MYO3B: variants seen among roughly 807,000 people sequenced by gnomAD.
The protein encoded by MYO3B is myosin-IIIb.
In MYO3B, 156 loss-of-function variants were observed where a neutral mutation model predicts 174.6. That is an observed-to-expected ratio of 0.89 (90% CI 0.78 to 1.02). The LOEUF (loss-of-function observed/expected upper bound fraction) is 1.02. Ranked by LOEUF, MYO3B falls within the 50% of genes least tolerant of loss-of-function variation. MYO3B has a pLI of 0.00. For synonymous variants in MYO3B, 563 were observed against 569.1 expected (o/e 0.99, Z 0.15); for missense variants, 1,632 against 1,639.4 (o/e 1.00, Z 0.08).
At chr2:170,594,762 TC>T (rs1351082412) in intron 32 of MYO3B, among the ~76,000 whole-genome samples, 1 of 152,004 alleles carries the variant, frequency 6.6e-6, no homozygotes, top group African/African-American at 2.4e-5. Context: ...TTGCAGCCTT[TC>T]CTACCTTGCT....
At chr2:170,539,076 C>G (rs1031246113) in intron 30 of MYO3B, among the ~76,000 whole-genome samples, 10 of 152,146 alleles carry the variant, frequency 6.6e-5, no homozygotes, top group Non-Finnish European at 1.2e-4. Context: ...ACATGTTTAT[C>G]CAGGCCAGGA....
At chr2:170,262,670 C>A (rs780823969) in intron 7 of MYO3B, among the ~76,000 whole-genome samples, 11 of 152,132 alleles carry the variant, frequency 7.2e-5, no homozygotes, top group Admixed American at 2.6e-4. Context: ...GGTAGATATG[C>A]GTCCATGGAC....
chr2:170,634,927 C>T (rs1441135604), intron 32 of MYO3B, among the ~76,000 whole-genome samples: 1 of 152,086 alleles, frequency 6.6e-6, no homozygotes, highest in African/African-American at 2.4e-5. Context: ...TACCATCTCA[C>T]ACCAGTTAGA....
intron 7 of MYO3B, among the ~76,000 whole-genome samples, chr2:170,253,895 CG>C (rs1207351881): frequency 2.6e-5 from 2 of 75,784 alleles, no homozygotes; most frequent in Non-Finnish European, 5.3e-5. Flanking sequence ...GGACGGGGGG[CG>C]GGGGCGGGCA....
At chr2:170,283,952 T>C (rs2093534025) in intron 7 of MYO3B, among the ~76,000 whole-genome samples, 1 of 152,250 alleles carries the variant, frequency 6.6e-6, no homozygotes, top group South Asian at 2.1e-4. Flanking sequence ...TACATTGGCT[T>C]CTCAGTTTTC....
intron 22 of MYO3B, among the ~76,000 whole-genome samples, chr2:170,432,486 T>C (rs2094717266): frequency 6.6e-6 from 1 of 152,062 alleles, no homozygotes; most frequent in African/African-American, 2.4e-5. Flanking sequence ...CTAAGTGTTA[T>C]TTCAAAAGAG....
rs1027173124 is a variant in MYO3B at position 170,335,569 on chromosome 2, G to A, written c.815+119G>A. On this transcript the variant is annotated intron_variant, in intron 8 of 34. Transcript: ENST00000408978. ...GTTGTTATGCCTGTTAGCACGTTAT[G>A]ACTCGGGGTTTGTTCTAGTAAATGA... 7.1e-5 allele frequency: 54 copies of A among 756,110 alleles called. No individual in the cohort carries two copies. The African/African-American group carries it at 8.3e-4, about 12-fold the overall frequency. The allele number at this position is 756,110 out of a possible 1,614,324, so 46.8% of individuals were successfully genotyped here.
chr2:170,598,687 T>C (rs1346645201), intron 32 of MYO3B, among the ~76,000 whole-genome samples: 1 of 152,144 alleles, frequency 6.6e-6, no homozygotes, highest in Admixed American at 6.5e-5. Flanking sequence ...GTTGTAAGGA[T>C]GTGGGCTCTG....
At chr2:170,372,118 C>CAAAAAAAAAAAAAAA (rs769243145) in intron 9 of MYO3B, among the ~76,000 whole-genome samples, 11 of 22,202 alleles carry the variant, frequency 5.0e-4, no homozygotes, top group African/African-American at 1.4e-3. Context: ...GACCCTGTCT[C>CAAAAAAAAAAAAAAA]AAAAAAAAAA....
intron 32 of MYO3B, among the ~76,000 whole-genome samples, chr2:170,567,533 A>G (rs2106268396): frequency 6.6e-6 from 1 of 152,362 alleles, no homozygotes; most frequent in East Asian, 1.9e-4. Context: ...TTAACAGGAC[A>G]CAAAACTCCA....
Position 170,528,453 on chromosome 2 carries a change from C to T in MYO3B, c.3575+8913C>T, listed in dbSNP as rs138737480. ...ATGGAGTTTCGCTCTATCGCCAGAC[C>T]GGAGTGCAGTGGCGCAATCTCAGCT... is the stretch of plus-strand genomic sequence containing the variant. On this transcript the variant is annotated intron_variant, in intron 30 of 34. Coordinates refer to ENST00000408978, the MANE Select transcript of MYO3B (RefSeq NM_138995.5). Among the ~76,000 whole-genome samples, 814 of 152,258 alleles carry T rather than the reference C, an allele frequency of 5.3e-3. 3 individuals are homozygous for T. The highest frequency in any genetic ancestry group is 0.018 in the African/African-American group (761 of 41,526).
chr2:170,403,206 G>A (rs2094489535), intron 19 of MYO3B, among the ~76,000 whole-genome samples: 1 of 152,164 alleles, frequency 6.6e-6, no homozygotes, highest in South Asian at 2.1e-4. Flanking sequence ...TGGAGCTGGT[G>A]ACAAGTCACT....
intron 32 of MYO3B, among the ~76,000 whole-genome samples, chr2:170,585,688 C>G (rs1693458332): frequency 6.6e-6 from 1 of 152,050 alleles, no homozygotes; most frequent in African/African-American, 2.4e-5. Flanking sequence ...GCCTTACCAG[C>G]AACAGGCTCT....
chr2:170,404,186 T>G, intron 19 of MYO3B, 61 bp from the exon 20 acceptor site: 1 of 1,505,738 alleles, frequency 6.6e-7, no homozygotes, highest in African/African-American at 1.4e-5. Flanking sequence ...CATGTCAAAG[T>G]ATCCTGGTGG....
intron 30 of MYO3B, chr2:170,519,769 T>C: frequency 2.5e-6 from 1 of 404,640 alleles, no homozygotes; most frequent in Non-Finnish European, 4.6e-6. Context: ...GGTCAGGAGT[T>C]TGAGACTAGC....
chr2:170,453,043 C>G (rs1683689168), intron 23 of MYO3B, among the ~76,000 whole-genome samples: 1 of 152,172 alleles, frequency 6.6e-6, no homozygotes. Flanking sequence ...TTAGGACTAG[C>G]TATGACATGA....
rs1281948554 is a variant in MYO3B at position 170,217,353 on chromosome 2, G to A, written c.561G>A (p.Arg187=). 34 of 1,614,006 alleles carry A rather than the reference G, an allele frequency of 2.1e-5. No individual in the cohort carries two copies. The highest frequency in any genetic ancestry group is 2.6e-5 in the Non-Finnish European group (31 of 1,179,974). The change falls in exon 6 of 35, where the codon CGG becomes CGA. Residue 187 remains arginine (R), a synonymous_variant. Transcript: ENST00000408978. The part of the protein sequence containing the change: ...VSAQLTSTRL[R]RNTSVGTPFW... ...CTCAACTCACCAGTACACGTCTGCG[G>A]AGAAACACATCTGTTGGCACCCCGT... is the stretch of plus-strand genomic sequence containing the variant.
chr2:170,233,502 T>A (rs1360653771), intron 6 of MYO3B, among the ~76,000 whole-genome samples: 1 of 152,202 alleles, frequency 6.6e-6, no homozygotes, highest in Admixed American at 6.5e-5. Context: ...ATAATGTAGG[T>A]TCTCACCTGA....
At chr2:170,383,581 CCTATACCCTACAGTCTTCCTAAT>C in intron 11 of MYO3B, 106 bp from the exon 12 acceptor site, 1 of 695,364 alleles carries the variant, frequency 1.4e-6, no homozygotes, top group Non-Finnish European at 2.5e-6. Context: ...GGCTCCAGAA[CCTATACCCTACAGTCTTCCTAAT>C]GCAACAAGTA....
Sources: gnomAD v4.1 joint callset for allele counts (sites outside exome capture counted in the v4.1 genomes callset) on GRCh38, gnomAD v4.1.1 for gene constraint, MANE v1.5 for transcripts, NCBI Gene and HGNC (gene_info 2026-07-23, HGNC 2026-07-21) for gene names.